Variants in TMEM200A observed in about 807,000 individuals in gnomAD.
TMEM200A encodes the protein transmembrane protein 200A.
TMEM200A carries 12 observed loss-of-function variants against 24.3 expected under a neutral mutation model. The ratio of observed to expected loss-of-function variants is 0.49; its 90% CI spans 0.32 to 0.80. The LOEUF (loss-of-function observed/expected upper bound fraction) is 0.80. TMEM200A is among the 30% of genes least tolerant of loss of function. TMEM200A has a pLI of 0.04. For missense variants in TMEM200A, 545 were observed against 614.4 expected (o/e 0.89, Z 1.19); for synonymous variants, 224 against 224.4 (o/e 1.00, Z 0.02).
At chr6:130,426,559 G>A (rs1779749852) in intron 2 of TMEM200A, among the ~76,000 whole-genome samples, 1 of 151,698 alleles carries the variant, frequency 6.6e-6, no homozygotes, top group Non-Finnish European at 1.5e-5. Flanking sequence ...GAAGTCGCAG[G>A]ATATTCTCAG....
At chr6:130,407,436 G>T (rs985020802) in intron 2 of TMEM200A, among the ~76,000 whole-genome samples, 1 of 152,166 alleles carries the variant, frequency 6.6e-6, no homozygotes, top group Non-Finnish European at 1.5e-5. Context: ...GGTATATTTT[G>T]TCTGCATTTA....
At chr6:130,397,601 A>C (rs944667881) in intron 2 of TMEM200A, among the ~76,000 whole-genome samples, 16 of 150,328 alleles carry the variant, frequency 1.1e-4, no homozygotes, top group Admixed American at 5.9e-4. Context: ...ACTTTGTGTC[A>C]TTTATGTTTT....
Position 130,440,414 on chromosome 6 carries a change from G to T in TMEM200A, c.-9G>T. The T allele has an allele frequency of 6.5e-7, 1 of 1,533,694 alleles. No homozygotes were observed. Among genetic ancestry groups the T allele is most frequent in the Non-Finnish European group, 8.7e-7 (1 of 1,143,244 alleles). ...TTTTTTTTTCTTCTTCAGAGTAAAA[G>T]GCCAAGCTATGATAGCAACTGGTGG... On this transcript the variant is annotated 5_prime_UTR_variant, in exon 3 of 3. In the 5' UTR this introduces an upstream ATG that the reference lacks. Transcript: ENST00000296978.
chr6:130,411,830 C>G (rs1228824597), intron 2 of TMEM200A, among the ~76,000 whole-genome samples: 2 of 152,162 alleles, frequency 1.3e-5, no homozygotes, highest in Non-Finnish European at 2.9e-5. Flanking sequence ...ATTAGGCATG[C>G]CTGCCACTGT....
intron 2 of TMEM200A, among the ~76,000 whole-genome samples, chr6:130,426,461 C>G (rs549829145): frequency 1.3e-5 from 1 of 76,896 alleles, no homozygotes; most frequent in African/African-American, 1.4e-4. Flanking sequence ...CTTTCTGCAG[C>G]CCCCCCCCCC....
At chr6:130,409,652 T>G (rs1042311790) in intron 2 of TMEM200A, among the ~76,000 whole-genome samples, 4 of 152,196 alleles carry the variant, frequency 2.6e-5, no homozygotes, top group African/African-American at 9.7e-5. Flanking sequence ...TACAAAGTAT[T>G]TTGATGTCTC....
Position 130,366,162 on chromosome 6 carries a change from T to TGGACTCTGCGCCC in TMEM200A, c.-439_-427dup, listed in dbSNP as rs1778137211. On this transcript the variant is annotated 5_prime_UTR_variant, in exon 1 of 3. In the 5' UTR this introduces an upstream ATG that the reference lacks. Coordinates refer to ENST00000296978, the MANE Select transcript of TMEM200A (RefSeq NM_001258277.2). The surrounding 1 kb of genome is among the most constrained non-coding windows in gnomAD (Gnocchi z 4.4). ...GGTGCCCTCCGAGGGCAGGCGCGCC[T>TGGACTCTGCGCCC]GGACTCTGCGCCCGGATGGCGGCGG... is the stretch of plus-strand genomic sequence containing the variant. 1.0e-6 allele frequency: 1 copy of TGGACTCTGCGCCC among 985,100 alleles called. No homozygotes were observed. The highest frequency in any genetic ancestry group is 1.2e-6 in the Non-Finnish European group (1 of 829,862). The allele number at this position is 985,100 out of a possible 1,614,324, so 61.0% of individuals were successfully genotyped here. A position where few individuals can be genotyped will look rare whatever the true frequency, so the allele number is the denominator to read the frequency against.
chr6:130,379,318 A>G (rs558363197), intron 1 of TMEM200A, among the ~76,000 whole-genome samples: 66 of 152,328 alleles, frequency 4.3e-4, no homozygotes, highest in African/African-American at 1.5e-3. Flanking sequence ...AAAGGGTTAC[A>G]GCCTGCAGAG....
intron 2 of TMEM200A, chr6:130,437,594 G>C (rs1780053001): frequency 6.6e-6 from 1 of 152,124 alleles, no homozygotes; most frequent in Non-Finnish European, 1.5e-5. Context: ...CCTCTGTCTG[G>C]GCTTGACCAG....
At chr6:130,367,840 C>T (rs1436175747) in intron 1 of TMEM200A, among the ~76,000 whole-genome samples, 1 of 152,076 alleles carries the variant, frequency 6.6e-6, no homozygotes, top group East Asian at 1.9e-4. Context: ...TTAACCAAGT[C>T]CTACTAGATA....
chr6:130,404,699 A>C (rs540942078), intron 2 of TMEM200A, among the ~76,000 whole-genome samples: 2 of 152,060 alleles, frequency 1.3e-5, no homozygotes, highest in African/African-American at 2.4e-5. Flanking sequence ...GTCAATTTTT[A>C]CTTTAGTTGC....
chr6:130,441,165 C>A lies in TMEM200A; in HGVS notation c.743C>A (p.Ser248Tyr). The change falls in exon 3 of 3, where the codon TCT becomes TAT. Residue 248 changes from serine to tyrosine, a missense_variant. Physicochemically the swap from Ser to Tyr is moderately radical, Grantham distance 144. Coordinates refer to ENST00000296978, the MANE Select transcript of TMEM200A (RefSeq NM_001258277.2). Reference sequence around the variant, plus strand: ...GGGCATCTTATGCCCCCTTTGCTCTCTGACAGCTCTGTGTCTGTCTTTGGC... The same window carrying A: ...GGGCATCTTATGCCCCCTTTGCTCTATGACAGCTCTGTGTCTGTCTTTGGC... ...SSGHLMPPLL[S>Y]DSSVSVFGLY... 1 of 1,614,048 alleles carries A rather than the reference C, an allele frequency of 6.2e-7. No individual in the cohort carries two copies. Among genetic ancestry groups the A allele is most frequent in the Non-Finnish European group, 8.5e-7 (1 of 1,179,958 alleles).
At chr6:130,378,455 G>A (rs1055418550) in intron 1 of TMEM200A, among the ~76,000 whole-genome samples, 1 of 152,060 alleles carries the variant, frequency 6.6e-6, no homozygotes, top group Non-Finnish European at 1.5e-5. Context: ...CGGGCATGGT[G>A]GCTCACACCT....
chr6:130,429,097 G>A (rs1171712243), intron 2 of TMEM200A, among the ~76,000 whole-genome samples: 10 of 152,106 alleles, frequency 6.6e-5, no homozygotes, highest in African/African-American at 1.7e-4. Context: ...TAACAACACC[G>A]ATTTTCCATA....
intron 2 of TMEM200A, chr6:130,437,649 C>T (rs1466505841): frequency 6.6e-6 from 1 of 152,134 alleles, no homozygotes; most frequent in Non-Finnish European, 1.5e-5. Context: ...CCATTAAATT[C>T]TTTATTTCTC....
chr6:130,409,051 T>G (rs1247748550), intron 2 of TMEM200A, among the ~76,000 whole-genome samples: 1 of 152,162 alleles, frequency 6.6e-6, no homozygotes, highest in Non-Finnish European at 1.5e-5. Context: ...CCTTGTTTGA[T>G]ACTTTCTCAG....
intron 2 of TMEM200A, among the ~76,000 whole-genome samples, chr6:130,415,486 A>G (rs562543276): frequency 2.6e-5 from 4 of 152,328 alleles, no homozygotes; most frequent in Admixed American, 2.6e-4. Flanking sequence ...AATCAGCTCT[A>G]TATAATGAAA....
At chr6:130,407,406 A>G (rs1779230727) in intron 2 of TMEM200A, among the ~76,000 whole-genome samples, 1 of 152,224 alleles carries the variant, frequency 6.6e-6, no homozygotes, top group African/African-American at 2.4e-5. Context: ...TTGCTACAGT[A>G]GGATTGTTAA....
chr6:130,438,026 C>G (rs759496259), intron 2 of TMEM200A: 2 of 152,134 alleles, frequency 1.3e-5, no homozygotes, highest in African/African-American at 4.8e-5. Context: ...CAGACTAAAT[C>G]CTTAAGCCTG....
Sources: allele counts gnomAD v4.1 joint callset (sites outside exome capture counted in the v4.1 genomes callset), GRCh38; gene constraint gnomAD v4.1.1; non-coding constraint Gnocchi (gnomAD v3.1); transcripts MANE v1.5; gene names NCBI Gene and HGNC (gene_info 2026-07-23, HGNC 2026-07-21).